The following WDFY3 variants were observed in gnomAD, a reference collection of about 807,000 sequenced individuals.
WDFY3 encodes the protein WD repeat and FYVE domain-containing protein 3.
Under a neutral mutation model 409.6 loss-of-function variants are expected in WDFY3, and 66 were observed. The ratio of observed to expected loss-of-function variants is 0.16; its 90% CI spans 0.13 to 0.20. WDFY3 has a LOEUF of 0.20. Ranked by LOEUF, WDFY3 falls within the 10% of genes least tolerant of loss-of-function variation. The pLI is 1.00. For synonymous variants in WDFY3, 1,521 were observed against 1,537.1 expected (o/e 0.99, Z 0.25); for missense variants, 3,031 against 4,298.1 (o/e 0.71, Z 8.24).
intron 24 of WDFY3, among the ~76,000 whole-genome samples, chr4:84,784,891 T>TATATATAC (rs1238884117): frequency 1.5e-3 from 54 of 36,916 alleles, no homozygotes; most frequent in African/African-American, 3.1e-3. Flanking sequence ...TATATATATA[T>TATATATAC]ACACACACAC....
chr4:84,836,667 T>C (rs956777750), intron 7 of WDFY3, among the ~76,000 whole-genome samples: 1 of 152,172 alleles, frequency 6.6e-6, no homozygotes, highest in Admixed American at 6.6e-5. Context: ...ACAGACATTC[T>C]GATATATCAA....
At chr4:84,765,735 A>T in intron 32 of WDFY3, 75 bp downstream of exon 32, 1 of 1,262,324 alleles carries the variant, frequency 7.9e-7, no homozygotes, top group Non-Finnish European at 1.1e-6. Flanking sequence ...CGCAGAGGAT[A>T]AGTTTACATA....
chr4:84,951,809 A>G (rs1579266909), intron 1 of WDFY3, among the ~76,000 whole-genome samples: 1 of 152,236 alleles, frequency 6.6e-6, no homozygotes, highest in African/African-American at 2.4e-5. Context: ...AGCCACTATT[A>G]AACCCTGTGC....
Position 84,780,224 on chromosome 4 carries a change from G to A in WDFY3, c.4249C>T (p.Leu1417=). The A allele has an allele frequency of 6.2e-7, 1 of 1,614,062 alleles. No homozygotes were observed. Among genetic ancestry groups the A allele is most frequent in the Non-Finnish European group, 8.5e-7 (1 of 1,179,968 alleles). The change falls in exon 26 of 68, where the codon CTG becomes TTG. Residue 1417 remains leucine (L), a synonymous_variant. Transcript: ENST00000295888. ...YVGGAAAILG[L]VAMASDVEGL... ...TCCACATCAGAGGCCATGGCCACCAGGCCCAGGATGGCTGCAGCTCCACCA... is the reference window on the plus strand; with the variant it reads ...TCCACATCAGAGGCCATGGCCACCAAGCCCAGGATGGCTGCAGCTCCACCA...
At chr4:84,865,096 C>T (rs954820650) in intron 3 of WDFY3, among the ~76,000 whole-genome samples, 1 of 151,934 alleles carries the variant, frequency 6.6e-6, no homozygotes, top group African/African-American at 2.4e-5. Context: ...GTCCTGTTGC[C>T]CAGACTGGTC....
chr4:84,898,466 C>CATAAG (rs773141605), intron 2 of WDFY3, among the ~76,000 whole-genome samples: 76 of 152,246 alleles, frequency 5.0e-4, no homozygotes, highest in Non-Finnish European at 2.6e-4. Flanking sequence ...TTTAAAAAAG[C>CATAAG]ATATCATATC....
intron 5 of WDFY3, among the ~76,000 whole-genome samples, chr4:84,843,116 T>C (rs1169391700): frequency 6.6e-6 from 1 of 152,226 alleles, no homozygotes; most frequent in African/African-American, 2.4e-5. Context: ...AGTTATTTTC[T>C]ACTAATATAT....
intron 12 of WDFY3, among the ~76,000 whole-genome samples, chr4:84,819,409 T>C (rs1257853156): frequency 1.3e-5 from 2 of 152,094 alleles, no homozygotes; most frequent in African/African-American, 4.8e-5. Flanking sequence ...TACCATGGCC[T>C]AAAAAGCTCC....
intron 58 of WDFY3, 44 bp from the exon 59 acceptor site, chr4:84,693,076 C>T (rs1165972071): frequency 6.4e-7 from 1 of 1,571,464 alleles, no homozygotes. Flanking sequence ...AAAGATAACA[C>T]TTATAAGCCC....
chr4:84,908,000 G>A (rs1270987940), intron 2 of WDFY3, among the ~76,000 whole-genome samples: 1 of 151,952 alleles, frequency 6.6e-6, no homozygotes, highest in Non-Finnish European at 1.5e-5. Flanking sequence ...CTACATGTAA[G>A]GTGCAAGGAA....
At chr4:84,823,442 A>C (rs1420768367) in intron 10 of WDFY3, among the ~76,000 whole-genome samples, 1 of 152,002 alleles carries the variant, frequency 6.6e-6, no homozygotes, top group East Asian at 1.9e-4. Context: ...AAAATGAAAA[A>C]CTGGACTTCA....
At position 84,860,471 on chromosome 4, in the gene WDFY3, G is replaced by A. The variant is rs1346720724; in HGVS notation, c.121C>T (p.His41Tyr). Residue 41 changes from histidine to tyrosine, a missense_variant, in exon 4 of 68, where the codon CAC (histidine) becomes TAC (tyrosine). Coordinates refer to ENST00000295888, the MANE Select transcript of WDFY3 (RefSeq NM_014991.6). ...LFTELCHPPRHMTQKEQEEKL... is the reference protein window; with the variant it reads ...LFTELCHPPRYMTQKEQEEKL... ...TCTTCTTGTTCCTTCTGAGTCATGT[G>A]CCGGGGAGGATGGCACAACTCCGTG... 3 of 1,614,128 alleles carry A rather than the reference G, an allele frequency of 1.9e-6. No individual in the cohort carries two copies. In the South Asian group the frequency reaches 3.3e-5, roughly 18 times the overall value.
At chr4:84,950,558 A>G (rs906050380) in intron 1 of WDFY3, among the ~76,000 whole-genome samples, 1 of 152,138 alleles carries the variant, frequency 6.6e-6, no homozygotes, top group Non-Finnish European at 1.5e-5. Context: ...TTGGGAGGCC[A>G]AGGCGGGTGG....
intron 3 of WDFY3, among the ~76,000 whole-genome samples, chr4:84,886,929 C>G (rs964661854): frequency 6.6e-6 from 1 of 152,118 alleles, no homozygotes; most frequent in African/African-American, 2.4e-5. Context: ...TCTCAGTCTT[C>G]TTATGAATAT....
intron 4 of WDFY3, among the ~76,000 whole-genome samples, chr4:84,856,919 G>A (rs961535008): frequency 3.3e-5 from 5 of 151,918 alleles, no homozygotes; most frequent in Admixed American, 1.3e-4. Context: ...AAGCACAAAC[G>A]GCCAAATGTT....
rs1750613793 is a variant in WDFY3 at position 84,801,789 on chromosome 4, T to G, written c.2683A>C (p.Met895Leu). The change falls in exon 17 of 68, where the codon ATG becomes CTG. Residue 895 changes from methionine (M) to leucine (L), a missense_variant. Around this residue, in one of 16 missense-constraint regions of WDFY3, gnomAD observed 1,322 missense variants for 1,697.9 expected, o/e 0.78. Transcript: ENST00000295888. ...CGTGCATGAAGACCAGCTTCACACA[T>G]GACTTGCTGGTTCCTTTCTGTGTGC... is the stretch of plus-strand genomic sequence containing the variant. ...LVHTERNQQV[M>L]CEAGLHARLL... The G allele has an allele frequency of 6.2e-7, 1 of 1,614,092 alleles. No individual in the cohort carries two copies. The highest frequency in any genetic ancestry group is 1.1e-5 in the South Asian group (1 of 91,084).
intron 3 of WDFY3, among the ~76,000 whole-genome samples, chr4:84,894,730 G>C (rs909964840): frequency 8.6e-5 from 13 of 151,786 alleles, no homozygotes; most frequent in African/African-American, 3.1e-4. Flanking sequence ...AGGATGCAGC[G>C]AGCCGAGACT....
intron 5 of WDFY3, 176 bp downstream of exon 5, chr4:84,849,726 A>G: frequency 1.3e-6 from 1 of 755,152 alleles, no homozygotes; most frequent in Non-Finnish European, 2.0e-6. Flanking sequence ...ACTACTGGAG[A>G]GTTGAAGATG....
At chr4:84,829,249 TTTAA>T (rs1468864114) in intron 8 of WDFY3, 59 bp from the exon 9 acceptor site, 7 of 1,402,290 alleles carry the variant, frequency 5.0e-6, no homozygotes, top group Middle Eastern at 1.9e-4. Flanking sequence ...TTAAAAATTT[TTTAA>T]TTGTTAACTG....
Sources: gnomAD v4.1 joint callset for allele counts (sites outside exome capture counted in the v4.1 genomes callset) on GRCh38, gnomAD v4.1.1 for gene constraint, gnomAD v4.1.1 regional missense constraint, MANE v1.5 for transcripts, NCBI Gene and HGNC (gene_info 2026-07-23, HGNC 2026-07-21) for gene names.